Variants in XPNPEP3 observed in about 807,000 individuals in gnomAD.
XPNPEP3 encodes the protein X-prolyl aminopeptidase 3.
A neutral mutation model predicts 60.0 loss-of-function variants in XPNPEP3; 41 were observed. The observed-to-expected ratio is 0.68, with a 90% CI of 0.53 to 0.89. The LOEUF (loss-of-function observed/expected upper bound fraction) is 0.89, where lower values mean the gene tolerates loss of function less well. Ranked by LOEUF, XPNPEP3 falls within the 40% of genes least tolerant of loss-of-function variation. The pLI is 0.00. For missense variants in XPNPEP3, 598 were observed against 638.9 expected (o/e 0.94, Z 0.69); for synonymous variants, 212 against 223.2 (o/e 0.95, Z 0.45).
At chr22:40,872,555 G>C (rs991224908) in intron 2 of XPNPEP3, among the ~76,000 whole-genome samples, 3 of 151,798 alleles carry the variant, frequency 2.0e-5, no homozygotes, top group African/African-American at 4.8e-5. Context: ...GGTTAAAGCA[G>C]TTCTGCTGCC....
At chr22:40,901,752 A>G (rs1191729294) in intron 4 of XPNPEP3, among the ~76,000 whole-genome samples, 1 of 152,236 alleles carries the variant, frequency 6.6e-6, no homozygotes, top group African/African-American at 2.4e-5. Context: ...GGCGTGAGCC[A>G]CTGCGCCCGG....
chr22:40,919,880 T>A (rs917285859), intron 7 of XPNPEP3, among the ~76,000 whole-genome samples: 1 of 152,188 alleles, frequency 6.6e-6, no homozygotes, highest in African/African-American at 2.4e-5. Context: ...TGTTACTGAT[T>A]GAAGCACCAC....
rs550668157 is a variant in XPNPEP3, at chr22:40,907,338, G to A, written c.793-249G>A. The A allele has an allele frequency of 2.5e-3, 1,120 of 440,048 alleles. 8 individuals are homozygous for A. Among genetic ancestry groups the A allele is most frequent in the African/African-American group, 0.02 (968 of 49,450 alleles). 27.3% of individuals were successfully genotyped at this position (440,048 alleles called of 1,614,324 possible). ...CGAGAGGCTGAGGCAGGAGAATGGC[G>A]TGAACCCAGGAGGCAGAGCTTGCAG... is the stretch of plus-strand genomic sequence containing the variant. On this transcript the variant is annotated intron_variant, in intron 4 of 9. Coordinates refer to ENST00000357137, the MANE Select transcript of XPNPEP3 (RefSeq NM_022098.4).
rs2058238505 is a variant in XPNPEP3 at position 40,927,514 on chromosome 22, T to C, written c.*1079T>C. ...TAAATAAAATCCTGACATCCTGCCA[T>C]CTTTTCTCTTCAATTTAAAGTTGAT... On this transcript the variant is annotated 3_prime_UTR_variant, in exon 10 of 10. Transcript: ENST00000357137. 6.6e-6 allele frequency: 1 copy of C among 151,794 alleles called. No homozygotes were observed. Among genetic ancestry groups the C allele is most frequent in the African/African-American group, 2.4e-5 (1 of 41,356 alleles). 9.4% of individuals were successfully genotyped at this position (151,794 alleles called of 1,614,324 possible). A position where few individuals can be genotyped will look rare whatever the true frequency, so the allele number is the denominator to read the frequency against.
Position 40,909,143 on chromosome 22 carries a change from C to G in XPNPEP3, c.877C>G (p.Arg293Gly). The G allele has an allele frequency of 6.2e-7, 1 of 1,614,176 alleles. No individual in the cohort carries two copies. Residue 293 changes from arginine to glycine, a missense_variant, in exon 6 of 10, where the codon CGT becomes GGT. Transcript: ENST00000357137. ...YAKFEFECRA[R>G]GADILAYPPV... ...ACAGTTTGAATTTGAATGCCGGGCT[C>G]GTGGCGCAGACATTTTAGCCTATCC...
chr22:40,901,632 G>A (rs1301768833), intron 4 of XPNPEP3, among the ~76,000 whole-genome samples: 1 of 152,112 alleles, frequency 6.6e-6, no homozygotes, highest in African/African-American at 2.4e-5. Context: ...GCGCTACCAC[G>A]CCTGGCTAAT....
At chr22:40,913,757 A>G (rs1356655206) in intron 6 of XPNPEP3, among the ~76,000 whole-genome samples, 1 of 152,156 alleles carries the variant, frequency 6.6e-6, no homozygotes, top group Admixed American at 6.6e-5. Context: ...TTTTGTTTTC[A>G]CATGCCCCCT....
intron 2 of XPNPEP3, 129 bp downstream of exon 2, chr22:40,869,244 A>G: frequency 1.3e-6 from 1 of 747,616 alleles, no homozygotes; most frequent in Non-Finnish European, 2.4e-6. Flanking sequence ...TCACATGGCC[A>G]TTTTACACTA....
At chr22:40,925,308 A>G (rs891026823) in intron 9 of XPNPEP3, among the ~76,000 whole-genome samples, 30 of 152,224 alleles carry the variant, frequency 2.0e-4, no homozygotes, top group African/African-American at 6.8e-4. Context: ...AGTGACCACA[A>G]TGGTGTGTGA....
chr22:40,926,852 G>A lies in XPNPEP3; in HGVS notation c.*417G>A, dbSNP rs1304723771. The A allele has an allele frequency of 7.7e-6, 2 of 259,270 alleles. No individual in the cohort carries two copies. Among genetic ancestry groups the A allele is most frequent in the Non-Finnish European group, 1.5e-5 (2 of 131,618 alleles). The allele number at this position is 259,270 out of a possible 1,614,324, so 16.1% of individuals were successfully genotyped here. On this transcript the variant is annotated 3_prime_UTR_variant, in exon 10 of 10. Coordinates refer to ENST00000357137, the MANE Select transcript of XPNPEP3 (RefSeq NM_022098.4). Reference sequence around the variant, plus strand: ...ATCATAAGAAGTTTGTGTGATGCCTGTATTTTTAGCTAATTACCAAGGTCT... The same window carrying A: ...ATCATAAGAAGTTTGTGTGATGCCTATATTTTTAGCTAATTACCAAGGTCT...
chr22:40,883,582 G>A (rs532346331), intron 3 of XPNPEP3, among the ~76,000 whole-genome samples: 47 of 152,140 alleles, frequency 3.1e-4, no homozygotes, highest in African/African-American at 1.1e-3. Context: ...GGCTGGTTTT[G>A]AACTCCTGGC....
chr22:40,867,057 A>G (rs2145773195), intron 1 of XPNPEP3, among the ~76,000 whole-genome samples: 1 of 152,278 alleles, frequency 6.6e-6, no homozygotes, highest in South Asian at 2.1e-4. Flanking sequence ...ACAGCAGCCT[A>G]CTCCACCAGT....
At chr22:40,909,052 G>A (rs906523458) in intron 5 of XPNPEP3, 70 bp from the exon 6 acceptor site, 3 of 1,291,220 alleles carry the variant, frequency 2.3e-6, no homozygotes, top group African/African-American at 1.5e-5. Context: ...GGTATGGGCT[G>A]TTGAAGAGAG....
At chr22:40,910,541 C>CA (rs200598068) in intron 6 of XPNPEP3, among the ~76,000 whole-genome samples, 4,966 of 151,232 alleles carry the variant, frequency 0.033, 685 homozygotes, top group Admixed American at 0.26. Flanking sequence ...CCTATCTCTA[C>CA]AAAAAAATAC....
chr22:40,864,133 G>C lies in XPNPEP3; in HGVS notation c.65-4866G>C, dbSNP rs146070366. On this transcript the variant is annotated intron_variant, in intron 1 of 9. Transcript: ENST00000357137. Reference sequence around the variant, plus strand: ...AGAGCAGCCCCAAGGGCTGCTGGTTGCCCATTTTTATGGTTATTTCTTGAT... The same window carrying C: ...AGAGCAGCCCCAAGGGCTGCTGGTTCCCCATTTTTATGGTTATTTCTTGAT... Among the ~76,000 whole-genome samples, 819 of 152,370 alleles carry C rather than the reference G, an allele frequency of 5.4e-3. 4 individuals are homozygous for C. The highest frequency in any genetic ancestry group is 0.019 in the African/African-American group (788 of 41,590).
At chr22:40,885,469 G>T (rs1437661842) in intron 3 of XPNPEP3, among the ~76,000 whole-genome samples, 1 of 152,198 alleles carries the variant, frequency 6.6e-6, no homozygotes, top group Non-Finnish European at 1.5e-5. Context: ...TGCAAAGGGA[G>T]AAGTGAGGAA....
intron 7 of XPNPEP3, chr22:40,917,312 C>A (rs2058199670): frequency 6.6e-6 from 1 of 151,992 alleles, no homozygotes; most frequent in African/African-American, 2.4e-5. Flanking sequence ...TCATACTGAT[C>A]AGTAATGGGA....
At chr22:40,875,802 C>T (rs909387476) in intron 2 of XPNPEP3, among the ~76,000 whole-genome samples, 4 of 149,248 alleles carry the variant, frequency 2.7e-5, no homozygotes, top group Non-Finnish European at 3.0e-5. Context: ...TTGCTTGAGG[C>T]GTGGAGTTTG....
chr22:40,913,931 G>A (rs2146274206), intron 6 of XPNPEP3, among the ~76,000 whole-genome samples: 1 of 152,122 alleles, frequency 6.6e-6, no homozygotes, highest in East Asian at 1.9e-4. Flanking sequence ...GATCACCTGA[G>A]GTTGGGAGTT....
Sources: allele counts gnomAD v4.1 joint callset (sites outside exome capture counted in the v4.1 genomes callset), GRCh38; gene constraint gnomAD v4.1.1; transcripts MANE v1.5; gene names NCBI Gene and HGNC (gene_info 2026-07-23, HGNC 2026-07-21).